The following FMN2 variants were observed in gnomAD, a reference collection of about 807,000 sequenced individuals.
FMN2 encodes the protein formin-2.
A neutral mutation model predicts 142.3 loss-of-function variants in FMN2; 51 were observed. The observed-to-expected ratio is 0.36, with a 90% confidence interval of 0.29 to 0.45. The LOEUF is 0.45. Ranked by LOEUF, FMN2 falls within the 20% of genes least tolerant of loss-of-function variation. FMN2 has a pLI of 1.00. For missense variants in FMN2, 1,936 were observed against 2,122.8 expected (o/e 0.91, Z 1.73); for synonymous variants, 882 against 869.8 (o/e 1.01, Z -0.25).
chr1:240,187,060 T>A (rs1284865674), intron 3 of FMN2, among the ~76,000 whole-genome samples: 2 of 146,756 alleles, frequency 1.4e-5, no homozygotes, highest in Non-Finnish European at 3.0e-5. Context: ...AGGTCAGGAG[T>A]TCGAGACCAG....
At position 240,406,052 on chromosome 1, in the gene FMN2, C is replaced by A. The variant is rs182784144; in HGVS notation, c.4910+13490C>A. On this transcript the variant is annotated intron_variant, in intron 15 of 17. Transcript: ENST00000319653. Reference sequence around the variant, plus strand: ...GAAGCAGCGTCAGGAGTCGGGGAAGCGAAGGGAATCAGCCTCAGGAGTGGG... The same window carrying A: ...GAAGCAGCGTCAGGAGTCGGGGAAGAGAAGGGAATCAGCCTCAGGAGTGGG... 9.2e-4 allele frequency among the ~76,000 whole-genome samples: 119 copies of A among 128,662 alleles called. 3 individuals carry two copies. The highest frequency in any genetic ancestry group is 3.5e-3 in the African/African-American group (106 of 30,020). 84.4% of individuals were successfully genotyped at this position (128,662 alleles called of 152,430 possible). A position where few individuals can be genotyped will look rare whatever the true frequency, so the allele number is the denominator to read the frequency against.
At chr1:240,219,485 G>A (rs1030606275) in intron 6 of FMN2, among the ~76,000 whole-genome samples, 20 of 151,900 alleles carry the variant, frequency 1.3e-4, no homozygotes, top group Non-Finnish European at 2.5e-4. Flanking sequence ...GACCTAAACC[G>A]AAAAAGAGTT....
Position 240,161,947 on chromosome 1 carries a change from G to A in FMN2, c.1783-15974G>A, listed in dbSNP as rs377136862. On this transcript the variant is annotated intron_variant, in intron 2 of 17. Transcript: ENST00000319653. ...ACAGGACAATACCCTGGCTATAGAGGAAAAGACTGATAATTTGGAGTATAT... is the reference window on the plus strand; with the variant it reads ...ACAGGACAATACCCTGGCTATAGAGAAAAAGACTGATAATTTGGAGTATAT... Among the ~76,000 whole-genome samples the A allele has an allele frequency of 2.6e-5, 4 of 152,102 alleles. No individual in the cohort carries two copies. In the South Asian group the frequency reaches 8.3e-4, roughly 32 times the overall value.
intron 8 of FMN2, among the ~76,000 whole-genome samples, chr1:240,304,890 A>G (rs1330718651): frequency 1.3e-5 from 2 of 152,164 alleles, no homozygotes; most frequent in Non-Finnish European, 2.9e-5. Context: ...ACTAAAATTA[A>G]CTGTAATTTA....
At chr1:240,315,290 C>A (rs1179905944) in intron 8 of FMN2, among the ~76,000 whole-genome samples, 1 of 152,160 alleles carries the variant, frequency 6.6e-6, no homozygotes, top group African/African-American at 2.4e-5. Context: ...ATGACTAAAG[C>A]TGGATCCTAA....
At chr1:240,102,046 C>G (rs1380481948) in intron 1 of FMN2, among the ~76,000 whole-genome samples, 1 of 152,100 alleles carries the variant, frequency 6.6e-6, no homozygotes, top group Non-Finnish European at 1.5e-5. Flanking sequence ...TATTAATTCT[C>G]TTACTTCAAT....
At chr1:240,169,782 C>T (rs1488700518) in intron 2 of FMN2, among the ~76,000 whole-genome samples, 2 of 152,140 alleles carry the variant, frequency 1.3e-5, no homozygotes, top group Non-Finnish European at 2.9e-5. Context: ...CTGACCAGGA[C>T]AGATTTTAGA....
intron 6 of FMN2, among the ~76,000 whole-genome samples, chr1:240,246,413 A>G (rs1668086132): frequency 6.6e-6 from 1 of 152,154 alleles, no homozygotes; most frequent in Non-Finnish European, 1.5e-5. Flanking sequence ...ATCAGCTATA[A>G]CCATGCCACT....
At chr1:240,110,790 T>C (rs1661781672) in intron 1 of FMN2, among the ~76,000 whole-genome samples, 18 of 152,126 alleles carry the variant, frequency 1.2e-4, no homozygotes, top group Admixed American at 9.8e-4. Context: ...TTAATAAATA[T>C]AGTAAAACAA....
At chr1:240,147,646 T>C (rs1663548036) in intron 2 of FMN2, among the ~76,000 whole-genome samples, 1 of 152,142 alleles carries the variant, frequency 6.6e-6, no homozygotes, top group Admixed American at 6.5e-5. Flanking sequence ...GTGTGAGCCA[T>C]TGCACCTGGC....
At chr1:240,228,333 G>GAAAAAA (rs1176161325) in intron 6 of FMN2, among the ~76,000 whole-genome samples, 1 of 49,110 alleles carries the variant, frequency 2.0e-5, no homozygotes, top group African/African-American at 9.9e-5. Context: ...AAAAAAAAAA[G>GAAAAAA]AAAAAGAAAA....
intron 13 of FMN2, among the ~76,000 whole-genome samples, chr1:240,343,161 G>T (rs1421194495): frequency 6.6e-6 from 1 of 152,136 alleles, no homozygotes; most frequent in African/African-American, 2.4e-5. Context: ...CACAACCAGG[G>T]TGAAGACTGT....
chr1:240,159,193 G>GT (rs151193195), intron 2 of FMN2, among the ~76,000 whole-genome samples: 6,108 of 147,706 alleles, frequency 0.041, 401 homozygotes, highest in African/African-American at 0.14. Flanking sequence ...CTTTTTCTGT[G>GT]TTTTTTTTTT....
rs190371979 is a variant in FMN2, at chr1:240,295,126, A to T, written c.4215+243A>T. 2.6e-3 allele frequency among the ~76,000 whole-genome samples: 400 copies of T among 152,040 alleles called. 3 individuals are homozygous for T. Among genetic ancestry groups the T allele is most frequent in the African/African-American group, 7.9e-3 (327 of 41,466 alleles). On this transcript the variant is annotated intron_variant, in intron 8 of 17. Transcript: ENST00000319653. ...ATATGAGGTCATTCATTATTTTTTTAAATTTAAATAATAGTACTGATGTGG... is the reference window on the plus strand; with the variant it reads ...ATATGAGGTCATTCATTATTTTTTTTAATTTAAATAATAGTACTGATGTGG...
In FMN2 at chr1:240,229,975, G is replaced by GT. The variant is rs1227020620; in HGVS notation, c.4065+18741dup. Among the ~76,000 whole-genome samples the GT allele has an allele frequency of 1.0e-3, 136 of 130,698 alleles. 38 individuals carry two copies. The highest frequency in any genetic ancestry group is 4.5e-3 in the African/African-American group (134 of 30,090). The allele number at this position is 130,698 out of a possible 152,430, so 85.7% of individuals were successfully genotyped here. On this transcript the variant is annotated intron_variant, in intron 6 of 17. Transcript: ENST00000319653. ...AGTATCTTTGAAATATCAAGTTTTA[G>GT]TAAACACATTTTAAGAAACTGTAGT... is the stretch of plus-strand genomic sequence containing the variant.
intron 3 of FMN2, among the ~76,000 whole-genome samples, chr1:240,180,674 C>T (rs1482860072): frequency 6.8e-6 from 1 of 147,792 alleles, no homozygotes; most frequent in African/African-American, 2.5e-5. Flanking sequence ...TCAAGTGATT[C>T]TCCTGCCTCA....
intron 6 of FMN2, among the ~76,000 whole-genome samples, chr1:240,236,791 C>G (rs779909330): frequency 6.6e-6 from 1 of 152,192 alleles, no homozygotes; most frequent in African/African-American, 2.4e-5. Flanking sequence ...GACCCAGTCA[C>G]CTCTCGCTAG....
chr1:240,158,508 G>C (rs1664129057), intron 2 of FMN2, among the ~76,000 whole-genome samples: 1 of 152,064 alleles, frequency 6.6e-6, no homozygotes, highest in African/African-American at 2.4e-5. Context: ...TTTTCTTCAA[G>C]GTCAACCAAT....
At chr1:240,430,715 A>T (rs1430545329) in intron 15 of FMN2, among the ~76,000 whole-genome samples, 1 of 109,022 alleles carries the variant, frequency 9.2e-6, no homozygotes, top group Non-Finnish European at 1.7e-5. Context: ...CCATTTGATT[A>T]AAAAAAAAAA....
Sources: gnomAD v4.1 joint callset for allele counts (sites outside exome capture counted in the v4.1 genomes callset) on GRCh38, gnomAD v4.1.1 for gene constraint, MANE v1.5 for transcripts, NCBI Gene and HGNC (gene_info 2026-07-23, HGNC 2026-07-21) for gene names.